MAPK8IP1: variants seen among roughly 807,000 people sequenced by gnomAD.
MAPK8IP1 encodes C-Jun-amino-terminal kinase-interacting protein 1.
In MAPK8IP1, 17 loss-of-function variants were observed where a neutral mutation model predicts 72.6. That is an observed-to-expected ratio of 0.23 (90% confidence interval 0.16 to 0.35). The LOEUF is 0.35. MAPK8IP1 is among the 10% of genes least tolerant of loss of function. The pLI is 1.00. For synonymous variants in MAPK8IP1, 401 were observed against 443.4 expected, an observed-to-expected ratio of 0.90 and a Z score of 1.20; for missense variants, 789 against 1,009.7, an observed-to-expected ratio of 0.78 and a Z score of 2.96.
At chr11:45,896,955 G>T in intron 1 of MAPK8IP1, 1 of 1,567,658 alleles carries the variant, frequency 6.4e-7, no homozygotes, top group South Asian at 1.2e-5. Flanking sequence ...GCGCTGGTAG[G>T]GGCTACCGGG....
intron 1 of MAPK8IP1, chr11:45,896,568 C>A: frequency 8.0e-7 from 1 of 1,251,930 alleles, no homozygotes; most frequent in South Asian, 2.5e-5. Flanking sequence ...TAACCTGATC[C>A]CGTGAGGGAG....
intron 1 of MAPK8IP1, among the ~76,000 whole-genome samples, chr11:45,894,482 C>T (rs1342186316): frequency 1.3e-5 from 2 of 151,818 alleles, no homozygotes; most frequent in Non-Finnish European, 2.9e-5. Flanking sequence ...GCCCAGTGCC[C>T]TCAGCTGTAC....
chr11:45,889,032 G>T (rs143452722), intron 1 of MAPK8IP1, among the ~76,000 whole-genome samples: 30 of 152,254 alleles, frequency 2.0e-4, no homozygotes, highest in African/African-American at 6.0e-4. Flanking sequence ...GAGTATGCCT[G>T]ATCTGACATG....
At chr11:45,890,615 A>T (rs1479408693) in intron 1 of MAPK8IP1, among the ~76,000 whole-genome samples, 1 of 152,020 alleles carries the variant, frequency 6.6e-6, no homozygotes, top group East Asian at 1.9e-4. Context: ...TAGGGGGCAG[A>T]TTAGCCTGCT....
chr11:45,886,812 A>G (rs991422342), intron 1 of MAPK8IP1, among the ~76,000 whole-genome samples: 1 of 151,940 alleles, frequency 6.6e-6, no homozygotes, highest in Non-Finnish European at 1.5e-5. Context: ...GACATACCCC[A>G]TTGTTTCCCC....
chr11:45,905,324 G>C lies in MAPK8IP1; in HGVS notation c.2063+75G>C, dbSNP rs528089166. The C allele has an allele frequency of 3.4e-4, 455 of 1,339,666 alleles. 4 individuals are homozygous for C. In the South Asian group the frequency reaches 4.9e-3, roughly 14 times the overall value. 83.0% of individuals were successfully genotyped at this position (1,339,666 alleles called of 1,614,324 possible). A position where few individuals can be genotyped will look rare whatever the true frequency, so the allele number is the denominator to read the frequency against. ...CCAGGCCCTGGGGCTGCTTCCTGGC[G>C]CTCAGCTTTGCCCCTCGGTTTCCCC... On this transcript the variant is annotated intron_variant, in intron 11 of 11. Coordinates refer to ENST00000241014, the MANE Select transcript of MAPK8IP1 (RefSeq NM_005456.4).
At position 45,901,988 on chromosome 11, in the gene MAPK8IP1, G is replaced by A. The variant is rs781642522; in HGVS notation, c.531G>A (p.Leu177=). Residue 177 remains leucine (L), a synonymous_variant, in exon 4 of 12, where the codon CTG becomes CTA. Coordinates refer to ENST00000241014, the MANE Select transcript of MAPK8IP1 (RefSeq NM_005456.4). ...FPQVPRSQDT[L]NNNSLGKKHS... is the part of the protein sequence containing the mutation. ...TTTTGTTCCCTGCACAGGACACACT[G>A]AATAATAATTCTCTGGGCAAAAAGC... 3 of 1,613,890 alleles carry A rather than the reference G, an allele frequency of 1.9e-6. No individual in the cohort carries two copies. Among genetic ancestry groups the A allele is most frequent in the South Asian group, 2.2e-5 (2 of 91,078 alleles).
intron 1 of MAPK8IP1, among the ~76,000 whole-genome samples, chr11:45,886,780 C>T (rs1276380111): frequency 1.3e-5 from 2 of 152,104 alleles, no homozygotes; most frequent in African/African-American, 4.8e-5. Context: ...GTCACTGCTC[C>T]CGGCCTAGAG....
chr11:45,896,057 C>T (rs935144795), intron 1 of MAPK8IP1, among the ~76,000 whole-genome samples: 1 of 152,232 alleles, frequency 6.6e-6, no homozygotes, highest in East Asian at 1.9e-4. Flanking sequence ...CAGTGCCCTC[C>T]AGGGGCCTCC....
In MAPK8IP1 at chr11:45,904,539, A is replaced by G; in HGVS notation, c.1751A>G (p.Asp584Gly). The stretch of plus-strand genomic sequence containing the variant: ...CAGGTTCCCTATCACAAGGGCAATG[A>G]CGTCCTCTGTGCTGCTATGCAAAAG... ...SVQVPYHKGNDVLCAAMQKIA... is the reference protein window; with the variant it reads ...SVQVPYHKGNGVLCAAMQKIA... The change falls in exon 8 of 12, where the codon GAC (aspartate) becomes GGC (glycine). Residue 584 changes from aspartate (D) to glycine (G), a missense_variant. By Grantham distance (94) the Asp-to-Gly change is moderately conservative. Coordinates refer to ENST00000241014, the MANE Select transcript of MAPK8IP1 (RefSeq NM_005456.4). The surrounding 1 kb of genome is among the most constrained non-coding windows in gnomAD (Gnocchi z 6.4). 1 of 1,614,202 alleles carries G rather than the reference A, an allele frequency of 6.2e-7. No homozygotes were observed.
At position 45,900,248 on chromosome 11, in the gene MAPK8IP1, C is replaced by T. The variant is rs903055801; in HGVS notation, c.318C>T (p.Ala106=). 3.0e-5 allele frequency: 40 copies of T among 1,332,168 alleles called. No homozygotes were observed. The highest frequency in any genetic ancestry group is 3.8e-5 in the Non-Finnish European group (40 of 1,047,858). The allele number at this position is 1,332,168 out of a possible 1,614,324, so 82.5% of individuals were successfully genotyped here. A position where few individuals can be genotyped will look rare whatever the true frequency, so the allele number is the denominator to read the frequency against. Reference sequence around the variant, plus strand: ...ACGCGACGGGGGACACTCCCGGGGCCGAGGACGACGAGGAGGACGACGACG... The same window carrying T: ...ACGCGACGGGGGACACTCCCGGGGCTGAGGACGACGAGGAGGACGACGACG... ...LIDATGDTPG[A]EDDEEDDDEE... The change falls in exon 3 of 12, where the codon GCC becomes GCT. Residue 106 remains alanine, a synonymous_variant. Coordinates refer to ENST00000241014, the MANE Select transcript of MAPK8IP1 (RefSeq NM_005456.4). This position sits in a 1 kb window ranked among gnomAD's most constrained non-coding sequence, Gnocchi z 6.5.
chr11:45,904,895 G>A lies in MAPK8IP1; in HGVS notation c.1893+61G>A, dbSNP rs186571372. ...CCCCAAGCTCTCCCCCAAGACTTGTGATGAAGAGGCCATCTCCTGTCACCC... is the reference window on the plus strand; with the variant it reads ...CCCCAAGCTCTCCCCCAAGACTTGTAATGAAGAGGCCATCTCCTGTCACCC... On this transcript the variant is annotated intron_variant, in intron 9 of 11. Transcript: ENST00000241014. The surrounding 1 kb of genome is among the most constrained non-coding windows in gnomAD (Gnocchi z 6.4). The A allele has an allele frequency of 6.5e-3, 10,408 of 1,603,104 alleles. 43 individuals carry two copies. Among genetic ancestry groups the A allele is most frequent in the Non-Finnish European group, 7.8e-3 (9,073 of 1,170,064 alleles).
In MAPK8IP1 at chr11:45,900,872, G is replaced by A. The variant is rs186919837; in HGVS notation, c.522+420G>A. Among the ~76,000 whole-genome samples the A allele has an allele frequency of 6.6e-6, 1 of 152,102 alleles. No individual in the cohort carries two copies. Among genetic ancestry groups the A allele is most frequent in the Admixed American group, 6.5e-5 (1 of 15,276 alleles). On this transcript the variant is annotated intron_variant, in intron 3 of 11. Transcript: ENST00000241014. This position sits in a 1 kb window ranked among gnomAD's most constrained non-coding sequence, Gnocchi z 6.5. ...AAAGGGCATCTGAAATGGTCATCGT[G>A]GGGGAGGCCGTGGGAGATCGTGGCG... is the stretch of plus-strand genomic sequence containing the variant.
chr11:45,900,128 C>T lies in MAPK8IP1; in HGVS notation c.208-10C>T. On this transcript the variant is annotated splice_polypyrimidine_tract_variant and intron_variant, in intron 2 of 11. Coordinates refer to ENST00000241014, the MANE Select transcript of MAPK8IP1 (RefSeq NM_005456.4). This position sits in a 1 kb window ranked among gnomAD's most constrained non-coding sequence, Gnocchi z 6.5. ...CCCCGCCCCCTGACGCCCCTCCGTGCGCTGTGCAGCCCCCGCGCGCCGGGC... is the reference window on the plus strand; with the variant it reads ...CCCCGCCCCCTGACGCCCCTCCGTGTGCTGTGCAGCCCCCGCGCGCCGGGC... 4 of 1,240,022 alleles carry T rather than the reference C, an allele frequency of 3.2e-6. No homozygotes were observed. The highest frequency in any genetic ancestry group is 4.0e-6 in the Non-Finnish European group (4 of 994,254). The allele number at this position is 1,240,022 out of a possible 1,614,324, so 76.8% of individuals were successfully genotyped here.
chr11:45,901,789 C>T (rs1186628642), intron 3 of MAPK8IP1, 191 bp from the exon 4 acceptor site: 2 of 717,192 alleles, frequency 2.8e-6, no homozygotes, highest in Non-Finnish European at 5.1e-6. Flanking sequence ...CCAGAGCCGG[C>T]AAGCCTGGCT....
rs1469001912 is a variant in MAPK8IP1 at position 45,904,733 on chromosome 11, C to T, written c.1792C>T (p.Arg598Trp). ...TCACCTGTAGATTGCCACCACCCGC[C>T]GGCTCACCGTGCACTTTAACCCGCC... ...AAMQKIATTR[R>W]LTVHFNPPSS... Residue 598 changes from arginine (R) to tryptophan (W), a missense_variant, in exon 9 of 12, where the codon CGG becomes TGG. Around this residue, in one of 4 missense-constraint regions of MAPK8IP1, gnomAD observed 188 missense variants for 293.3 expected, o/e 0.64. Coordinates refer to ENST00000241014, the MANE Select transcript of MAPK8IP1 (RefSeq NM_005456.4). The surrounding 1 kb of genome is among the most constrained non-coding windows in gnomAD (Gnocchi z 6.4). 12 of 1,613,896 alleles carry T rather than the reference C, an allele frequency of 7.4e-6. No individual in the cohort carries two copies. The highest frequency in any genetic ancestry group is 2.2e-5 in the South Asian group (2 of 91,088).
rs1314417688 is a variant in MAPK8IP1, at chr11:45,904,020, C to T, written c.1525C>T (p.Leu509=). 1.3e-5 allele frequency: 21 copies of T among 1,613,728 alleles called. No homozygotes were observed. The highest frequency in any genetic ancestry group is 1.8e-5 in the Non-Finnish European group (21 of 1,180,012). The change falls in exon 7 of 12, where the codon CTG becomes TTG. Residue 509 remains leucine (L), a synonymous_variant. Coordinates refer to ENST00000241014, the MANE Select transcript of MAPK8IP1 (RefSeq NM_005456.4). This position sits in a 1 kb window ranked among gnomAD's most constrained non-coding sequence, Gnocchi z 6.4. ...FVPRHEDELE[L]EVDDPLLVEL... is the part of the protein sequence containing the mutation. ...GCCTCGACACGAAGACGAACTTGAG[C>T]TGGAAGTGGATGACCCTCTGCTAGT... is the stretch of plus-strand genomic sequence containing the variant.
In MAPK8IP1 at chr11:45,904,297, G is replaced by C. The variant is rs1016797326; in HGVS notation, c.1666+136G>C. Reference sequence around the variant, plus strand: ...GGAAGTGATTTTAGGTCCTTTTCACGATCAAGCAAAGTGAGGCCCGGCCAA... The same window carrying C: ...GGAAGTGATTTTAGGTCCTTTTCACCATCAAGCAAAGTGAGGCCCGGCCAA... On this transcript the variant is annotated intron_variant, in intron 7 of 11. Coordinates refer to ENST00000241014, the MANE Select transcript of MAPK8IP1 (RefSeq NM_005456.4). The surrounding 1 kb of genome is among the most constrained non-coding windows in gnomAD (Gnocchi z 6.4). The C allele has an allele frequency of 4.0e-6, 5 of 1,252,138 alleles. No homozygotes were observed. The South Asian group carries it at 6.4e-5, about 16-fold the overall frequency. The allele number at this position is 1,252,138 out of a possible 1,614,324, so 77.6% of individuals were successfully genotyped here.
Position 45,904,879 on chromosome 11 carries a change from C to G in MAPK8IP1, c.1893+45C>G, listed in dbSNP as rs1450167031. 2 of 1,609,164 alleles carry G rather than the reference C, an allele frequency of 1.2e-6. No individual in the cohort carries two copies. The highest frequency in any genetic ancestry group is 1.7e-6 in the Non-Finnish European group (2 of 1,175,558). On this transcript the variant is annotated intron_variant, in intron 9 of 11. Transcript: ENST00000241014. The surrounding 1 kb of genome is among the most constrained non-coding windows in gnomAD (Gnocchi z 6.4). Reference sequence around the variant, plus strand: ...CCCCTTCCTTCCATGGCCCCAAGCTCTCCCCCAAGACTTGTGATGAAGAGG... The same window carrying G: ...CCCCTTCCTTCCATGGCCCCAAGCTGTCCCCCAAGACTTGTGATGAAGAGG...
Sources: allele counts gnomAD v4.1 joint callset (sites outside exome capture counted in the v4.1 genomes callset), GRCh38; gene constraint gnomAD v4.1.1; regional missense constraint gnomAD v4.1.1; non-coding constraint Gnocchi (gnomAD v3.1); transcripts MANE v1.5; gene names NCBI Gene and HGNC (gene_info 2026-07-23, HGNC 2026-07-21).